Variants in PIP4K2A observed in about 807,000 individuals in gnomAD.
The protein encoded by PIP4K2A is phosphatidylinositol-5-phosphate 4-kinase type 2 alpha.
A neutral mutation model predicts 42.9 loss-of-function variants in PIP4K2A; 14 were observed. The ratio of observed to expected loss-of-function variants is 0.33; its 90% CI spans 0.22 to 0.51. The LOEUF is 0.51. PIP4K2A is among the 20% of genes least tolerant of loss of function. The probability of loss-of-function intolerance (pLI) is 0.97; values close to 1 mark genes in which losing one functional copy is unlikely to be tolerated. For synonymous variants in PIP4K2A, 192 were observed against 192.2 expected, an observed-to-expected ratio of 1.00 and a Z score of 0.01; for missense variants, 434 against 519.8, an observed-to-expected ratio of 0.83 and a Z score of 1.61.
chr10:22,536,081 C>G lies in PIP4K2A; in HGVS notation c.*1120G>C, dbSNP rs1835910572. On this transcript the variant is annotated 3_prime_UTR_variant, in exon 10 of 10. Transcript: ENST00000376573. ...TCAAATTTTTAGATTCAAAAGATAT[C>G]CCTGTTTTCCTAATAATGTAAACAG... 2.5e-6 allele frequency: 1 copy of G among 398,480 alleles called. No homozygotes were observed. 24.7% of individuals were successfully genotyped at this position (398,480 alleles called of 1,614,324 possible).
At chr10:22,582,139 TCG>T (rs1283633744) in intron 4 of PIP4K2A, among the ~76,000 whole-genome samples, 1 of 151,958 alleles carries the variant, frequency 6.6e-6, no homozygotes, top group Non-Finnish European at 1.5e-5. Context: ...ATAAATGATG[TCG>T]TCAACAAAGG....
intron 4 of PIP4K2A, among the ~76,000 whole-genome samples, chr10:22,575,126 G>C (rs1023975861): frequency 2.6e-5 from 4 of 152,142 alleles, no homozygotes; most frequent in African/African-American, 9.7e-5. Context: ...GTTGTTTTGA[G>C]GGTTACAGGT....
chr10:22,600,915 G>T (rs113633787), intron 3 of PIP4K2A, among the ~76,000 whole-genome samples: 2 of 151,838 alleles, frequency 1.3e-5, no homozygotes, highest in African/African-American at 2.4e-5. Context: ...CATTATAGAG[G>T]GGAGCAAGAC....
chr10:22,664,154 C>CATATATATACACAT, intron 1 of PIP4K2A, among the ~76,000 whole-genome samples: 1 of 62,280 alleles, frequency 1.6e-5, no homozygotes, highest in Admixed American at 2.1e-4. Flanking sequence ...TATATATACA[C>CATATATATACACAT]ATATATATAT....
intron 1 of PIP4K2A, among the ~76,000 whole-genome samples, chr10:22,615,222 T>C (rs1838147468): frequency 1.3e-5 from 2 of 152,176 alleles, no homozygotes; most frequent in Admixed American, 6.5e-5. Flanking sequence ...TCCTCCTGCC[T>C]CAGTCTTCTG....
At position 22,536,718 on chromosome 10, in the gene PIP4K2A, A is replaced by AAAAAAAAAAAAAAAAAAAAAC. The variant is rs1163425277; in HGVS notation, c.*462_*482dup. ...CTGTCTCACATCTTTCAACTCCAAA[A>AAAAAAAAAAAAAAAAAAAAAC]AAAAAAAAAAAAAAAAAAAACTGAT... On this transcript the variant is annotated 3_prime_UTR_variant, in exon 10 of 10. Transcript: ENST00000376573. 1.5e-5 allele frequency: 2 copies of AAAAAAAAAAAAAAAAAAAAAC among 136,834 alleles called. No individual in the cohort carries two copies. The highest frequency in any genetic ancestry group is 1.5e-5 in the Non-Finnish European group (1 of 64,856). 8.5% of individuals were successfully genotyped at this position (136,834 alleles called of 1,614,324 possible).
intron 1 of PIP4K2A, among the ~76,000 whole-genome samples, chr10:22,663,832 T>C (rs1839255308): frequency 6.6e-6 from 1 of 151,480 alleles, no homozygotes. Context: ...TACACCATCA[T>C]TTAATCTCAC....
At chr10:22,554,123 A>G (rs1836476930) in intron 6 of PIP4K2A, among the ~76,000 whole-genome samples, 1 of 152,132 alleles carries the variant, frequency 6.6e-6, no homozygotes, top group African/African-American at 2.4e-5. Flanking sequence ...CCTGGGTGAC[A>G]TAGTAAGACC....
intron 1 of PIP4K2A, among the ~76,000 whole-genome samples, chr10:22,644,954 A>T (rs1271689098): frequency 6.6e-6 from 1 of 152,248 alleles, no homozygotes; most frequent in Non-Finnish European, 1.5e-5. Context: ...TTCCCAATCC[A>T]TAAGAGTCAG....
intron 1 of PIP4K2A, among the ~76,000 whole-genome samples, chr10:22,665,105 A>C (rs1839322180): frequency 6.6e-6 from 1 of 152,184 alleles, no homozygotes; most frequent in South Asian, 2.1e-4. Flanking sequence ...AAACACACAC[A>C]CATACATTTT....
intron 4 of PIP4K2A, among the ~76,000 whole-genome samples, chr10:22,576,208 G>C (rs940777474): frequency 1.3e-5 from 2 of 152,130 alleles, no homozygotes; most frequent in East Asian, 3.9e-4. Context: ...CTGAATTTCT[G>C]GGGGGAAGCA....
intron 1 of PIP4K2A, among the ~76,000 whole-genome samples, chr10:22,643,277 A>G (rs761008277): frequency 1.3e-4 from 20 of 152,152 alleles, no homozygotes; most frequent in African/African-American, 4.1e-4. Flanking sequence ...GCTTTTGTCA[A>G]TAACGTTTTA....
At chr10:22,541,767 T>C (rs1836119743) in intron 8 of PIP4K2A, 37 bp downstream of exon 8, 1 of 1,504,524 alleles carries the variant, frequency 6.6e-7, no homozygotes, top group South Asian at 1.4e-5. Flanking sequence ...GTCAAACCAC[T>C]TCACATGCAA....
chr10:22,584,545 G>A (rs1837349045), intron 4 of PIP4K2A, among the ~76,000 whole-genome samples: 1 of 152,152 alleles, frequency 6.6e-6, no homozygotes, highest in Non-Finnish European at 1.5e-5. Flanking sequence ...TCCAGACCCT[G>A]GAGAAGAAGT....
At chr10:22,542,526 TAAGTAA>T (rs1240293954) in intron 7 of PIP4K2A, among the ~76,000 whole-genome samples, 1 of 152,146 alleles carries the variant, frequency 6.6e-6, no homozygotes, top group African/African-American at 2.4e-5. Flanking sequence ...CTGTTGTAAA[TAAGTAA>T]AAGTAAAGGC....
chr10:22,567,302 T>C (rs1327651563), intron 6 of PIP4K2A, among the ~76,000 whole-genome samples: 1 of 152,122 alleles, frequency 6.6e-6, no homozygotes, highest in Non-Finnish European at 1.5e-5. Context: ...TAAGGTCCAA[T>C]AAGCCAGGAA....
chr10:22,702,551 C>T (rs1833734176), intron 1 of PIP4K2A, among the ~76,000 whole-genome samples: 1 of 152,210 alleles, frequency 6.6e-6, no homozygotes, highest in Admixed American at 6.5e-5. Flanking sequence ...GTTCACAAGA[C>T]ACAGTTCTTG....
At chr10:22,572,422 C>G (rs1837011771) in intron 5 of PIP4K2A, among the ~76,000 whole-genome samples, 1 of 152,116 alleles carries the variant, frequency 6.6e-6, no homozygotes, top group Non-Finnish European at 1.5e-5. Context: ...TCAAGATCAG[C>G]CTGGGCAACA....
intron 1 of PIP4K2A, among the ~76,000 whole-genome samples, chr10:22,674,408 T>G (rs1839513941): frequency 1.5e-5 from 2 of 132,084 alleles, no homozygotes; most frequent in African/African-American, 6.0e-5. Context: ...GACAAGACAC[T>G]TGGGAGCAAA....
Sources: allele counts gnomAD v4.1 joint callset (sites outside exome capture counted in the v4.1 genomes callset), GRCh38; gene constraint gnomAD v4.1.1; transcripts MANE v1.5; gene names NCBI Gene and HGNC (gene_info 2026-07-23, HGNC 2026-07-21).